TASP1: variants seen among roughly 807,000 people sequenced by gnomAD.
TASP1 encodes taspase 1, also known as threonine aspartase 1.
A neutral mutation model predicts 56.6 loss-of-function variants in TASP1; 16 were observed. The observed-to-expected ratio is 0.28, with a 90% CI of 0.19 to 0.43. The LOEUF (loss-of-function observed/expected upper bound fraction) is 0.43, where lower values mean the gene tolerates loss of function less well. Ranked by LOEUF, TASP1 falls within the 20% of genes least tolerant of loss-of-function variation. The pLI is 1.00. For missense variants in TASP1, 393 were observed against 511.6 expected (o/e 0.77, Z 2.24); for synonymous variants, 179 against 184.2 (o/e 0.97, Z 0.23).
chr20:13,198,031 A>C, the TASP1 span, among the ~76,000 whole-genome samples: 1 of 152,180 alleles, frequency 6.6e-6, no homozygotes, highest in Non-Finnish European at 1.5e-5. Context: ...TCTATCTTGA[A>C]TATAAACAGA....
the TASP1 span, among the ~76,000 whole-genome samples, chr20:13,111,282 G>A: frequency 6.6e-6 from 1 of 152,118 alleles, no homozygotes; most frequent in African/African-American, 2.4e-5. Flanking sequence ...AGCCAGCCCA[G>A]AGAGTATGTA....
At chr20:13,491,157 C>T (rs75851935) in intron 10 of TASP1, among the ~76,000 whole-genome samples, 2,550 of 152,188 alleles carry the variant, frequency 0.017, 72 homozygotes, top group African/African-American at 0.056. Context: ...TAAAAATGAC[C>T]ACCTAGGTAA....
chr20:13,273,090 A>G, the TASP1 span, among the ~76,000 whole-genome samples: 1 of 152,170 alleles, frequency 6.6e-6, no homozygotes, highest in Non-Finnish European at 1.5e-5. Context: ...TTCATTGGAA[A>G]GTTATTGGCT....
intron 4 of TASP1, among the ~76,000 whole-genome samples, chr20:13,606,777 AGCCTGGGCGACTGAGCGAGACTCC>A (rs1332550274): frequency 1.7e-4 from 26 of 149,654 alleles, no homozygotes; most frequent in Admixed American, 1.1e-3. Flanking sequence ...ACTGCACTCC[AGCCTGGGCGACTGAGCGAGACTCC>A]GTCTCAAAAA....
chr20:13,524,339 C>T (rs1348270832), intron 10 of TASP1, among the ~76,000 whole-genome samples: 1 of 152,090 alleles, frequency 6.6e-6, no homozygotes, highest in Admixed American at 6.6e-5. Flanking sequence ...TATGTATTTG[C>T]TGTGTTACTG....
At chr20:13,184,706 T>C in the TASP1 span, among the ~76,000 whole-genome samples, 4,360 of 152,288 alleles carry the variant, frequency 0.029, 187 homozygotes, top group African/African-American at 0.09. Context: ...ATTCTGCTTG[T>C]ATGATTGGCC....
the TASP1 span, among the ~76,000 whole-genome samples, chr20:13,139,780 T>G: frequency 6.6e-6 from 1 of 152,196 alleles, no homozygotes; most frequent in Non-Finnish European, 1.5e-5. Context: ...TTTCTGATTC[T>G]TTCCAAATGC....
chr20:13,174,517 G>A, the TASP1 span, among the ~76,000 whole-genome samples: 4 of 151,990 alleles, frequency 2.6e-5, no homozygotes, highest in African/African-American at 9.7e-5. Context: ...GGGCAACGTG[G>A]TAAAACCCCA....
At chr20:13,205,012 C>T in the TASP1 span, among the ~76,000 whole-genome samples, 1 of 152,102 alleles carries the variant, frequency 6.6e-6, no homozygotes, top group Non-Finnish European at 1.5e-5. Context: ...ACCTATGTTG[C>T]CTCTTACCAA....
chr20:13,438,235 C>T (rs930065684), intron 11 of TASP1, among the ~76,000 whole-genome samples: 23 of 152,198 alleles, frequency 1.5e-4, no homozygotes, highest in African/African-American at 3.6e-4. Context: ...GGAGGCATCA[C>T]GCTACCTGAC....
intron 6 of TASP1, among the ~76,000 whole-genome samples, chr20:13,576,507 G>C (rs1253210790): frequency 1.3e-5 from 2 of 151,928 alleles, no homozygotes; most frequent in African/African-American, 4.8e-5. Flanking sequence ...TACTGACAAT[G>C]AACAGTTGGA....
chr20:13,586,094 C>A (rs1280218357), intron 5 of TASP1, among the ~76,000 whole-genome samples: 1 of 148,872 alleles, frequency 6.7e-6, no homozygotes, highest in East Asian at 2.0e-4. Context: ...GAGATCGCAC[C>A]ACTGCACTCC....
At chr20:13,601,878 T>C (rs2047972590) in intron 4 of TASP1, among the ~76,000 whole-genome samples, 1 of 136,168 alleles carries the variant, frequency 7.3e-6, no homozygotes, top group Non-Finnish European at 1.6e-5. Flanking sequence ...CTTTTTTTTT[T>C]TTTTTTTTTT....
the TASP1 span, among the ~76,000 whole-genome samples, chr20:13,220,350 C>A: frequency 5.3e-5 from 8 of 152,336 alleles, no homozygotes; most frequent in African/African-American, 1.9e-4. Context: ...TCAGCCGGAT[C>A]CCAGAGCCCT....
chr20:13,359,166 A>C, the TASP1 span, among the ~76,000 whole-genome samples: 1 of 110,010 alleles, frequency 9.1e-6, no homozygotes, highest in Admixed American at 9.6e-5. Flanking sequence ...TCCGGCACAC[A>C]AGAACTTCCA....
chr20:13,202,442 T>A, the TASP1 span, among the ~76,000 whole-genome samples: 12 of 152,228 alleles, frequency 7.9e-5, no homozygotes, highest in South Asian at 2.5e-3. Flanking sequence ...GTAATTTAAT[T>A]CTGAATAATG....
intron 11 of TASP1, among the ~76,000 whole-genome samples, chr20:13,466,805 A>G (rs2044275614): frequency 6.6e-6 from 1 of 152,182 alleles, no homozygotes; most frequent in African/African-American, 2.4e-5. Flanking sequence ...AAATCAGGAC[A>G]TCATACTACT....
chr20:13,341,232 A>T, the TASP1 span, among the ~76,000 whole-genome samples: 1 of 152,214 alleles, frequency 6.6e-6, no homozygotes, highest in Admixed American at 6.5e-5. Context: ...AAGCATGCTA[A>T]CTTTTCCCAG....
the TASP1 span, among the ~76,000 whole-genome samples, chr20:13,254,058 TAAAA>T: frequency 1.1e-3 from 129 of 116,178 alleles, 2 homozygotes; most frequent in African/African-American, 3.5e-3. Context: ...TCATCTCTAC[TAAAA>T]AAAAAAAAAA....
Sources: allele counts gnomAD v4.1 joint callset (sites outside exome capture counted in the v4.1 genomes callset), GRCh38; gene constraint gnomAD v4.1.1; transcripts MANE v1.5; gene names NCBI Gene and HGNC (gene_info 2026-07-23, HGNC 2026-07-21).